Variants in DKK3 observed in about 807,000 individuals in gnomAD.
The protein encoded by DKK3 is dickkopf-related protein 3.
A neutral mutation model predicts 33.2 loss-of-function variants in DKK3; 22 were observed. The ratio of observed to expected loss-of-function variants is 0.66; its 90% CI spans 0.47 to 0.95. The LOEUF is 0.95. DKK3 is among the 40% of genes least tolerant of loss of function. The probability of loss-of-function intolerance (pLI) is 0.00; values close to 1 mark genes in which losing one functional copy is unlikely to be tolerated. For synonymous variants in DKK3, 194 were observed against 188.8 expected, an observed-to-expected ratio of 1.03 and a Z score of -0.23; for missense variants, 398 against 458.4, an observed-to-expected ratio of 0.87 and a Z score of 1.20.
intron 5 of DKK3, among the ~76,000 whole-genome samples, 196 bp downstream of exon 5, chr11:11,966,758 C>T (rs1847605696): frequency 6.6e-6 from 1 of 151,708 alleles, no homozygotes; most frequent in Non-Finnish European, 1.5e-5. Context: ...TGAGCATCAA[C>T]AGGGGAAAAA....
At chr11:11,996,818 G>C (rs1257498932) in intron 3 of DKK3, among the ~76,000 whole-genome samples, 1 of 152,236 alleles carries the variant, frequency 6.6e-6, no homozygotes, top group Non-Finnish European at 1.5e-5. Context: ...GGGCCAAGGT[G>C]TGTCCTCCAT....
In DKK3 at chr11:12,007,862, AC is replaced by A. The variant is rs1848570213; in HGVS notation, c.213+507del. ...ATTTCCATCTTCCCTCTCTGCCCCC[AC>A]ATTGCGTGAGAAGCAAGACAGCCCA... On this transcript the variant is annotated intron_variant, in intron 1 of 6. Coordinates refer to ENST00000683431, the MANE Select transcript of DKK3 (RefSeq NM_001018057.2). Among the ~76,000 whole-genome samples the A allele has an allele frequency of 3.9e-5, 6 of 152,184 alleles. No individual in the cohort carries two copies. In the South Asian group the frequency reaches 1.2e-3, roughly 32 times the overall value.
intron 3 of DKK3, among the ~76,000 whole-genome samples, chr11:11,992,126 G>A (rs1848200795): frequency 6.6e-6 from 1 of 152,080 alleles, no homozygotes; most frequent in African/African-American, 2.4e-5. Context: ...CCAAGGATTG[G>A]GCTACCAAAA....
chr11:11,977,643 G>T (rs1847862261), intron 3 of DKK3, among the ~76,000 whole-genome samples: 1 of 152,186 alleles, frequency 6.6e-6, no homozygotes. Flanking sequence ...CCTATCCAAA[G>T]GCACGCTGTG....
intron 2 of DKK3, chr11:12,002,098 C>T (rs1389413353): frequency 1.9e-6 from 1 of 524,756 alleles, no homozygotes; most frequent in African/African-American, 1.9e-5. Flanking sequence ...TGCTTAAATG[C>T]AAAAGCAGTT....
intron 1 of DKK3, among the ~76,000 whole-genome samples, chr11:12,004,865 A>G (rs1263743275): frequency 6.6e-6 from 1 of 152,246 alleles, no homozygotes; most frequent in African/African-American, 2.4e-5. Context: ...GGGAATGGGT[A>G]GCTAGAAGCA....
At chr11:11,997,399 C>T (rs745797908) in intron 3 of DKK3, among the ~76,000 whole-genome samples, 14 of 152,202 alleles carry the variant, frequency 9.2e-5, no homozygotes, top group Non-Finnish European at 1.6e-4. Context: ...GGACCATGAT[C>T]ATATCCTATG....
At chr11:11,987,394 G>C (rs1482294329) in intron 3 of DKK3, among the ~76,000 whole-genome samples, 1 of 152,210 alleles carries the variant, frequency 6.6e-6, no homozygotes, top group Non-Finnish European at 1.5e-5. Flanking sequence ...TCTGATGGCT[G>C]CATGATTTGG....
At position 11,964,878 on chromosome 11, in the gene DKK3, A is replaced by G; in HGVS notation, c.831-192T>C. 8.5e-6 allele frequency: 11 copies of G among 1,296,926 alleles called. 2 individuals are homozygous for G. The South Asian group carries it at 1.7e-4, about 20-fold the overall frequency. 80.3% of individuals were successfully genotyped at this position (1,296,926 alleles called of 1,614,324 possible). ...ATGGCTGAGGGAGGCTCACTTTGGG[A>G]GAATGTGCTGGTGGGGGGCAGCTTC... On this transcript the variant is annotated intron_variant, in intron 6 of 6. Coordinates refer to ENST00000683431, the MANE Select transcript of DKK3 (RefSeq NM_001018057.2).
chr11:11,998,910 G>A (rs574589142), intron 2 of DKK3, 131 bp from the exon 3 acceptor site: 19 of 744,040 alleles, frequency 2.6e-5, no homozygotes, highest in Admixed American at 1.2e-4. Flanking sequence ...TGCCCACCCC[G>A]CTTTCTTTCT....
At chr11:12,002,070 G>A (rs1243284566) in intron 2 of DKK3, 2 of 414,718 alleles carry the variant, frequency 4.8e-6, no homozygotes, top group African/African-American at 2.0e-5. Flanking sequence ...CTGGCAGGAA[G>A]CCTAGGGTTA....
intron 3 of DKK3, 119 bp downstream of exon 3, chr11:11,998,577 T>G (rs1848349226): frequency 2.3e-6 from 2 of 852,336 alleles, no homozygotes; most frequent in East Asian, 2.5e-5. Context: ...TCGGTAGAAA[T>G]GAGTCAGGAG....
intron 3 of DKK3, among the ~76,000 whole-genome samples, chr11:11,993,835 T>C (rs1281036331): frequency 1.3e-5 from 2 of 152,208 alleles, no homozygotes; most frequent in African/African-American, 2.4e-5. Context: ...TCTGTTTCTT[T>C]CTGCAGAAAC....
At chr11:11,980,251 C>G (rs10765915) in intron 3 of DKK3, among the ~76,000 whole-genome samples, 56,975 of 152,156 alleles carry the variant, frequency 0.37, 12,055 homozygotes, top group South Asian at 0.48. Context: ...AAATTAATAG[C>G]CTGTGCTTTT....
rs778836776 is a variant in DKK3, at chr11:11,964,476, C to T, written c.1041G>A (p.Gly347=). 6.2e-7 allele frequency: 1 copy of T among 1,611,952 alleles called. No individual in the cohort carries two copies. Among genetic ancestry groups the T allele is most frequent in the Non-Finnish European group, 8.5e-7 (1 of 1,179,968 alleles). The change falls in exon 7 of 7, where the codon GGG becomes GGA. Residue 347 remains glycine (G), a synonymous_variant. Coordinates refer to ENST00000683431, the MANE Select transcript of DKK3 (RefSeq NM_001018057.2). ...GCCTGGTCCAGATCTAAATCTCTTC[C>T]CCTCCCAGCAGTGCAGCGGCGGCAG... ...PAAAAAALLG[G]EEI is the part of the protein sequence containing the mutation.
chr11:11,968,290 G>T (rs1420223266), intron 4 of DKK3, 105 bp downstream of exon 4: 5 of 1,039,222 alleles, frequency 4.8e-6, no homozygotes, highest in Non-Finnish European at 5.5e-6. Context: ...CCATCATGGT[G>T]AGGCTCTTCT....
At chr11:12,003,980 T>C (rs1438701259) in intron 1 of DKK3, among the ~76,000 whole-genome samples, 1 of 152,208 alleles carries the variant, frequency 6.6e-6, no homozygotes, top group Non-Finnish European at 1.5e-5. Flanking sequence ...GATTCTGTGC[T>C]GGATTCTGAG....
At chr11:11,966,773 A>G (rs1192673136) in intron 5 of DKK3, among the ~76,000 whole-genome samples, 181 bp downstream of exon 5, 1 of 152,068 alleles carries the variant, frequency 6.6e-6, no homozygotes, top group Non-Finnish European at 1.5e-5. Flanking sequence ...GAAAAAAAAG[A>G]GGTGGTCTTC....
rs78422142 is a variant in DKK3 at position 12,002,374 on chromosome 11, T to C, written c.277A>G (p.Ser93Gly). 806 of 1,614,162 alleles carry C rather than the reference T, an allele frequency of 5.0e-4. 3 individuals are homozygous for C. In the African/African-American group the frequency reaches 9.3e-3, roughly 19 times the overall value. ...TCTGTGTTGGTCTCATTGTGATAGC[T>C]GGGAGGTAAGTTTGCCAGGTTCACT... The part of the protein sequence containing the change: ...SEVNLANLPP[S>G]YHNETNTDTK... Residue 93 changes from serine (S) to glycine (G), a missense_variant, in exon 2 of 7, where the codon AGC becomes GGC. Coordinates refer to ENST00000683431, the MANE Select transcript of DKK3 (RefSeq NM_001018057.2).
Sources: gnomAD v4.1 joint callset for allele counts (sites outside exome capture counted in the v4.1 genomes callset) on GRCh38, gnomAD v4.1.1 for gene constraint, MANE v1.5 for transcripts, NCBI Gene and HGNC (gene_info 2026-07-23, HGNC 2026-07-21) for gene names.